Variants in USP10 observed in about 807,000 individuals in gnomAD.
USP10 encodes ubiquitin specific peptidase 10.
A neutral mutation model predicts 84.5 loss-of-function variants in USP10; 22 were observed. The observed-to-expected ratio is 0.26, with a 90% confidence interval of 0.19 to 0.37. The LOEUF is 0.37. Among genes scored for constraint, USP10 ranks in the 10% least tolerant of loss-of-function variants. The pLI, the probability that USP10 is intolerant of heterozygous loss-of-function variation, is 1.00. For synonymous variants in USP10, 454 were observed against 387.6 expected, an observed-to-expected ratio of 1.17 and a Z score of -2.01; for missense variants, 1,019 against 998.9, an observed-to-expected ratio of 1.02 and a Z score of -0.27.
At chr16:84,755,345 T>C (rs986889401) in intron 4 of USP10, among the ~76,000 whole-genome samples, 2 of 151,712 alleles carry the variant, frequency 1.3e-5, no homozygotes, top group Admixed American at 1.3e-4. Flanking sequence ...GAAACTTCGC[T>C]GCATCTTCCT....
intron 12 of USP10, among the ~76,000 whole-genome samples, chr16:84,773,352 A>G (rs244563): frequency 0.27 from 40,505 of 152,106 alleles, 6,434 homozygotes; most frequent in Non-Finnish European, 0.37. Context: ...AGCAGAAAAG[A>G]GGACACTGGG....
chr16:84,716,847 A>G (rs777544543), intron 1 of USP10, among the ~76,000 whole-genome samples: 13 of 152,220 alleles, frequency 8.5e-5, no homozygotes, highest in Non-Finnish European at 1.2e-4. Context: ...AACTTATCCC[A>G]GCATAATTCA....
intron 1 of USP10, among the ~76,000 whole-genome samples, chr16:84,711,740 T>C (rs1052135556): frequency 6.3e-5 from 8 of 127,902 alleles, no homozygotes; most frequent in Non-Finnish European, 1.4e-4. Context: ...TTTTTTTTTT[T>C]TGTCTGAGAT....
intron 4 of USP10, among the ~76,000 whole-genome samples, chr16:84,747,432 T>C (rs1305877407): frequency 6.6e-6 from 1 of 152,216 alleles, no homozygotes; most frequent in Non-Finnish European, 1.5e-5. Context: ...AAGAGTATTT[T>C]ATTCCTTATA....
chr16:84,703,465 G>A (rs1402427355), intron 1 of USP10, among the ~76,000 whole-genome samples: 1 of 152,202 alleles, frequency 6.6e-6, no homozygotes, highest in Non-Finnish European at 1.5e-5. Flanking sequence ...ATGATGGAAA[G>A]TCTTGGATTC....
intron 1 of USP10, among the ~76,000 whole-genome samples, chr16:84,726,937 C>T (rs1821800120): frequency 6.6e-6 from 1 of 152,244 alleles, no homozygotes; most frequent in Non-Finnish European, 1.5e-5. Flanking sequence ...AGTGTTCTGA[C>T]TCTGGCAGAG....
chr16:84,728,189 C>G (rs1224576962), intron 1 of USP10, among the ~76,000 whole-genome samples: 2 of 152,144 alleles, frequency 1.3e-5, no homozygotes, highest in Admixed American at 6.5e-5. Flanking sequence ...AGTTGGCTGT[C>G]CTGAATTTCT....
At chr16:84,762,218 C>G (rs1183920951) in intron 8 of USP10, among the ~76,000 whole-genome samples, 1 of 152,214 alleles carries the variant, frequency 6.6e-6, no homozygotes, top group Non-Finnish European at 1.5e-5. Flanking sequence ...AGTTTGAGTT[C>G]TTTCCCATGT....
chr16:84,737,770 C>G (rs990147152), intron 2 of USP10, among the ~76,000 whole-genome samples: 11 of 152,156 alleles, frequency 7.2e-5, no homozygotes, highest in African/African-American at 7.2e-5. Flanking sequence ...GTCAGAGGGC[C>G]ACAGTAACAG....
In USP10 at chr16:84,710,291, T is replaced by A. The variant is rs1470425024; in HGVS notation, c.21+10180T>A. On this transcript the variant is annotated intron_variant, in intron 1 of 13. Coordinates refer to ENST00000219473, the MANE Select transcript of USP10 (RefSeq NM_005153.3). ...TCGGAAAAAAAAAAAAAAAAAAGATTGCTGGGTTGAGTTGATTGTGCAGGG... is the reference window on the plus strand; with the variant it reads ...TCGGAAAAAAAAAAAAAAAAAAGATAGCTGGGTTGAGTTGATTGTGCAGGG... Among the ~76,000 whole-genome samples the A allele has an allele frequency of 3.3e-5, 5 of 150,550 alleles. No individual in the cohort carries two copies. In the East Asian group the frequency reaches 9.7e-4, roughly 29 times the overall value.
At chr16:84,739,708 C>G (rs141998648) in intron 2 of USP10, among the ~76,000 whole-genome samples, 223 of 152,316 alleles carry the variant, frequency 1.5e-3, no homozygotes, top group African/African-American at 5.0e-3. Context: ...ACAAAGAAGT[C>G]AGACAGTTCC....
At chr16:84,720,285 G>A (rs755514549) in intron 1 of USP10, among the ~76,000 whole-genome samples, 1 of 152,156 alleles carries the variant, frequency 6.6e-6, no homozygotes, top group Non-Finnish European at 1.5e-5. Context: ...GCCTTCTGTT[G>A]GTCCGGTTCC....
At chr16:84,703,034 A>G (rs777192750) in intron 1 of USP10, among the ~76,000 whole-genome samples, 1 of 149,848 alleles carries the variant, frequency 6.7e-6, no homozygotes, top group Non-Finnish European at 1.5e-5. Context: ...CCATCTCAAA[A>G]TAAATAAAAA....
At position 84,712,254 on chromosome 16, in the gene USP10, C is replaced by G. The variant is rs138627146; in HGVS notation, c.21+12143C>G. On this transcript the variant is annotated intron_variant, in intron 1 of 13. Coordinates refer to ENST00000219473, the MANE Select transcript of USP10 (RefSeq NM_005153.3). The stretch of plus-strand genomic sequence containing the variant: ...AGGCAGTCAGCTGTGTACAGAGGCC[C>G]TTGTGGTCCTGTCCTGAGAGTAGCG... 1.2e-4 allele frequency among the ~76,000 whole-genome samples: 19 copies of G among 152,306 alleles called. No homozygotes were observed. In the East Asian group the frequency reaches 3.3e-3, roughly 26 times the overall value.
chr16:84,702,241 A>G lies in USP10; in HGVS notation c.21+2130A>G, dbSNP rs534244515. ...CTGGCTAATTTTTTGTATTTTTATT[A>G]AAGACGGGTTTCACCATGTTGATCA... On this transcript the variant is annotated intron_variant, in intron 1 of 13. Coordinates refer to ENST00000219473, the MANE Select transcript of USP10 (RefSeq NM_005153.3). Among the ~76,000 whole-genome samples, 15 of 151,510 alleles carry G rather than the reference A, an allele frequency of 9.9e-5. No individual in the cohort carries two copies. In the South Asian group the frequency reaches 2.1e-3, roughly 21 times the overall value.
intron 1 of USP10, among the ~76,000 whole-genome samples, chr16:84,701,479 A>G (rs966982962): frequency 1.4e-4 from 21 of 151,998 alleles, no homozygotes; most frequent in African/African-American, 4.8e-4. Context: ...CTTTCTGTTA[A>G]AAAAAAAGAT....
chr16:84,746,284 A>G (rs969622982), intron 4 of USP10, among the ~76,000 whole-genome samples: 2 of 152,250 alleles, frequency 1.3e-5, no homozygotes, highest in African/African-American at 4.8e-5. Flanking sequence ...ATTGTTTTTA[A>G]AAAGTTACAG....
In USP10 at chr16:84,700,904, C is replaced by G. The variant is rs1033833839; in HGVS notation, c.21+793C>G. Among the ~76,000 whole-genome samples the G allele has an allele frequency of 4.6e-5, 7 of 152,034 alleles. No homozygotes were observed. The East Asian group carries it at 1.4e-3, about 29-fold the overall frequency. On this transcript the variant is annotated intron_variant, in intron 1 of 13. Transcript: ENST00000219473. ...CTTATTCCCCTCTCCCACCCCTTCTCTCACATCTTCTCCCCCCTCCGCCAT... is the reference window on the plus strand; with the variant it reads ...CTTATTCCCCTCTCCCACCCCTTCTGTCACATCTTCTCCCCCCTCCGCCAT...
chr16:84,700,619 G>T (rs1406468565), intron 1 of USP10, among the ~76,000 whole-genome samples: 1 of 152,176 alleles, frequency 6.6e-6, no homozygotes, highest in Non-Finnish European at 1.5e-5. Flanking sequence ...ATGATGCGGG[G>T]GTTGCCGATT....
Sources: allele counts gnomAD v4.1 joint callset (sites outside exome capture counted in the v4.1 genomes callset), GRCh38; gene constraint gnomAD v4.1.1; transcripts MANE v1.5; gene names NCBI Gene and HGNC (gene_info 2026-07-23, HGNC 2026-07-21).